BDNF: variants seen among roughly 807,000 people sequenced by gnomAD.
BDNF encodes the protein neurotrophic factor BDNF precursor form.
Under a neutral mutation model 19.5 loss-of-function variants are expected in BDNF, and 1 was observed. The ratio of observed to expected loss-of-function variants is 0.05; its 90% confidence interval spans 0.02 to 0.24. The LOEUF (loss-of-function observed/expected upper bound fraction) is 0.24. BDNF is among the 10% of genes least tolerant of loss of function. The pLI, the probability that BDNF is intolerant of heterozygous loss-of-function variation, is 1.00. For missense variants in BDNF, 195 were observed against 317.6 expected, an observed-to-expected ratio of 0.61 and a Z score of 2.93; for synonymous variants, 100 against 121.6, an observed-to-expected ratio of 0.82 and a Z score of 1.17.
chr11:27,696,462 T>C (rs754292726), intron 1 of BDNF: 8 of 152,194 alleles, frequency 5.3e-5, no homozygotes, highest in Non-Finnish European at 1.0e-4. Context: ...ACAACACAAC[T>C]TGATGCGATT....
At chr11:27,661,936 C>A (rs1853510705) in intron 1 of BDNF, among the ~76,000 whole-genome samples, 2 of 152,208 alleles carry the variant, frequency 1.3e-5, no homozygotes, top group African/African-American at 4.8e-5. Context: ...CTCCAGCATA[C>A]ACTGCCTTCC....
intron 1 of BDNF, among the ~76,000 whole-genome samples, chr11:27,707,062 T>C (rs1208985427): frequency 6.6e-6 from 1 of 152,214 alleles, no homozygotes; most frequent in Non-Finnish European, 1.5e-5. Flanking sequence ...CAGGTGCTTA[T>C]TATATACTGA....
At chr11:27,697,138 TGCAC>T (rs1324312770) in intron 1 of BDNF, among the ~76,000 whole-genome samples, 1 of 97,212 alleles carries the variant, frequency 1.0e-5, no homozygotes, top group Non-Finnish European at 2.0e-5. Context: ...CACGCGCACG[TGCAC>T]GCACACACAC....
chr11:27,694,109 T>A (rs1361074826), intron 1 of BDNF, among the ~76,000 whole-genome samples: 1 of 152,200 alleles, frequency 6.6e-6, no homozygotes, highest in Non-Finnish European at 1.5e-5. Context: ...ATTTAAGATA[T>A]ACTATATTCT....
chr11:27,697,195 AGC>A (rs1554946504), intron 1 of BDNF, among the ~76,000 whole-genome samples: 1 of 148,684 alleles, frequency 6.7e-6, no homozygotes, highest in Non-Finnish European at 1.5e-5. Flanking sequence ...AGAGAGAGAG[AGC>A]ACCCCAGGTT....
intron 1 of BDNF, chr11:27,699,569 C>A: frequency 1.3e-6 from 2 of 1,520,280 alleles, no homozygotes; most frequent in Admixed American, 2.1e-5. Flanking sequence ...TTTCAGTTCC[C>A]AGCGGTAGGA....
intron 1 of BDNF, among the ~76,000 whole-genome samples, chr11:27,678,191 A>G (rs1856424802): frequency 6.6e-6 from 1 of 152,342 alleles, no homozygotes; most frequent in Non-Finnish European, 1.5e-5. Context: ...GAGGACACGT[A>G]TACACACCCT....
chr11:27,683,439 T>C (rs1382419139), intron 1 of BDNF, among the ~76,000 whole-genome samples: 1 of 152,238 alleles, frequency 6.6e-6, no homozygotes, highest in Non-Finnish European at 1.5e-5. Context: ...TTTTGGCTTT[T>C]GTTGCCATTG....
rs1446331795 is a variant in BDNF, at chr11:27,658,868, TCTC to T, written c.-21-286_-21-284del. ...AAGTGCAAAAATTGTGGCTTCAAGT[TCTC>T]CTTCTTCCCACTTTAGCAGCTTTGT... is the stretch of plus-strand genomic sequence containing the variant. On this transcript the variant is annotated intron_variant, in intron 1 of 1. Transcript: ENST00000356660. The surrounding 1 kb of genome is among the most constrained non-coding windows in gnomAD (Gnocchi z 5.7). 1.6e-4 allele frequency: 205 copies of T among 1,301,498 alleles called. No homozygotes were observed. The highest frequency in any genetic ancestry group is 1.9e-4 in the Non-Finnish European group (198 of 1,015,756). 80.6% of individuals were successfully genotyped at this position (1,301,498 alleles called of 1,614,324 possible). A position where few individuals can be genotyped will look rare whatever the true frequency, so the allele number is the denominator to read the frequency against.
upstream of BDNF, chr11:27,700,750 C>A: frequency 2.5e-6 from 3 of 1,188,406 alleles, no homozygotes; most frequent in Non-Finnish European, 3.2e-6. Context: ...AGGACGCCCG[C>A]GGCTTCGAGG....
At chr11:27,712,104 A>T (rs1408632018) in intron 1 of BDNF, among the ~76,000 whole-genome samples, 3 of 152,184 alleles carry the variant, frequency 2.0e-5, no homozygotes, top group Non-Finnish European at 4.4e-5. Context: ...GTGAATTTTA[A>T]AAGTTTTCTC....
intron 1 of BDNF, among the ~76,000 whole-genome samples, chr11:27,716,599 A>C (rs1364010709): frequency 6.6e-6 from 1 of 152,200 alleles, no homozygotes; most frequent in African/African-American, 2.4e-5. Flanking sequence ...CCATAGAGTG[A>C]AAAGAAAGCT....
In BDNF at chr11:27,657,606, C is replaced by A; in HGVS notation, c.*215G>T. ...CACAACATTATCAAGGAATGTAATG[C>A]AGACTTTTTAAGTTGTGCGCAAATG... On this transcript the variant is annotated 3_prime_UTR_variant, in exon 2 of 2. Transcript: ENST00000356660. The surrounding 1 kb of genome is among the most constrained non-coding windows in gnomAD (Gnocchi z 5.0). The A allele has an allele frequency of 7.3e-7, 1 of 1,363,706 alleles. No individual in the cohort carries two copies. Among genetic ancestry groups the A allele is most frequent in the Non-Finnish European group, 9.4e-7 (1 of 1,061,494 alleles). The allele number at this position is 1,363,706 out of a possible 1,614,324, so 84.5% of individuals were successfully genotyped here.
In BDNF at chr11:27,714,531, T is replaced by C. The variant is rs148794227; in HGVS notation, c.3+6881A>G. 2.8e-4 allele frequency among the ~76,000 whole-genome samples: 42 copies of C among 152,336 alleles called. No homozygotes were observed. The East Asian group carries it at 7.9e-3, about 29-fold the overall frequency. Reference sequence around the variant, plus strand: ...TCCGCAGAAATTTGAGATCATTCTCTAAATTAAAACTTTCCTAGCCATCAT... The same window carrying C: ...TCCGCAGAAATTTGAGATCATTCTCCAAATTAAAACTTTCCTAGCCATCAT... On this transcript the variant is annotated intron_variant, in intron 1 of 1. Transcript: ENST00000314915.
Position 27,682,505 on chromosome 11 carries a change from C to T in BDNF, c.-22+17659G>A, listed in dbSNP as rs540035082. ...ACAGATGCCATGGTGGTTTGCTGCA[C>T]TCATCAACTTGTCATCTACATTAGG... On this transcript the variant is annotated intron_variant, in intron 1 of 1. Coordinates refer to ENST00000356660, the MANE Select transcript of BDNF (RefSeq NM_001709.5). Among the ~76,000 whole-genome samples the T allele has an allele frequency of 7.2e-5, 11 of 151,978 alleles. No individual in the cohort carries two copies. The South Asian group carries it at 1.2e-3, about 17-fold the overall frequency.
chr11:27,670,086 G>A (rs889081532), intron 1 of BDNF, among the ~76,000 whole-genome samples: 2 of 152,102 alleles, frequency 1.3e-5, no homozygotes, highest in Admixed American at 6.6e-5. Context: ...ACAGAACAGA[G>A]CCCTCAGAAA....
Position 27,657,985 on chromosome 11 carries a change from C to G in BDNF, c.580G>C (p.Glu194Gln). 2 of 1,614,142 alleles carry G rather than the reference C, an allele frequency of 1.2e-6. No homozygotes were observed. Among genetic ancestry groups the G allele is most frequent in the Non-Finnish European group, 1.7e-6 (2 of 1,180,036 alleles). Reference sequence around the variant, plus strand: ...CTTTTGTCTATGCCCCTGCAGCCTTCTTTTGTGTAACCCATGGGATTGCAC... The same window carrying G: ...CTTTTGTCTATGCCCCTGCAGCCTTGTTTTGTGTAACCCATGGGATTGCAC... ...TKCNPMGYTK[E>Q]GCRGIDKRHW... The change falls in exon 2 of 2, where the codon GAA becomes CAA. Residue 194 changes from glutamate to glutamine, a missense_variant. Transcript: ENST00000356660. This position sits in a 1 kb window ranked among gnomAD's most constrained non-coding sequence, Gnocchi z 5.0.
chr11:27,715,556 T>G (rs1412062905), intron 1 of BDNF, among the ~76,000 whole-genome samples: 2 of 152,182 alleles, frequency 1.3e-5, no homozygotes, highest in Non-Finnish European at 2.9e-5. Flanking sequence ...GTTAAAACTT[T>G]CCATTAGGCC....
rs767892799 is a variant in BDNF at position 27,657,777 on chromosome 11, TAATTTTTG to T, written c.*36_*43del. ...CCTGTTATGTATATATACAAATAGA[TAATTTTTG>T]TCTCAATATAATCTAATCTATACAA... On this transcript the variant is annotated 3_prime_UTR_variant, in exon 2 of 2. Coordinates refer to ENST00000356660, the MANE Select transcript of BDNF (RefSeq NM_001709.5). The surrounding 1 kb of genome is among the most constrained non-coding windows in gnomAD (Gnocchi z 5.0). 6.2e-7 allele frequency: 1 copy of T among 1,604,298 alleles called. No individual in the cohort carries two copies. The highest frequency in any genetic ancestry group is 8.5e-7 in the Non-Finnish European group (1 of 1,171,908).
Sources: allele counts gnomAD v4.1 joint callset (sites outside exome capture counted in the v4.1 genomes callset), GRCh38; gene constraint gnomAD v4.1.1; non-coding constraint Gnocchi (gnomAD v3.1); transcripts MANE v1.5; gene names NCBI Gene and HGNC (gene_info 2026-07-23, HGNC 2026-07-21).